ARMC2: variants seen among roughly 807,000 people sequenced by gnomAD.
ARMC2 encodes the protein armadillo repeat-containing protein 2.
In ARMC2, 67 loss-of-function variants were observed where a neutral mutation model predicts 90.3. The ratio of observed to expected loss-of-function variants is 0.74; its 90% CI spans 0.61 to 0.91. The LOEUF is 0.91. Among genes scored for constraint, ARMC2 ranks in the 40% least tolerant of loss-of-function variants. The probability of loss-of-function intolerance (pLI) is 0.00; values close to 1 mark genes in which losing one functional copy is unlikely to be tolerated. For missense variants in ARMC2, 920 were observed against 1,030.9 expected, an observed-to-expected ratio of 0.89 and a Z score of 1.47; for synonymous variants, 393 against 393.0, an observed-to-expected ratio of 1.00 and a Z score of 0.00.
chr6:109,006,231 C>A, the ARMC2 span, among the ~76,000 whole-genome samples: 1 of 152,082 alleles, frequency 6.6e-6, no homozygotes, highest in Admixed American at 6.6e-5. Flanking sequence ...TTAATCCTTA[C>A]CTTAATCTAT....
At chr6:108,866,016 T>TAAAA (rs910550188) in intron 3 of ARMC2, among the ~76,000 whole-genome samples, 1 of 118,630 alleles carries the variant, frequency 8.4e-6, no homozygotes, top group African/African-American at 3.1e-5. Flanking sequence ...GACCCTGTCT[T>TAAAA]AAAAAAAAAA....
At chr6:108,917,815 A>G (rs1774125381) in intron 10 of ARMC2, among the ~76,000 whole-genome samples, 1 of 151,980 alleles carries the variant, frequency 6.6e-6, no homozygotes, top group Admixed American at 6.6e-5. Flanking sequence ...ACCCAGCTAC[A>G]TTTTGTATTT....
At chr6:109,002,428 A>G in the ARMC2 span, 22 of 1,006,446 alleles carry the variant, frequency 2.2e-5, 1 homozygote. Context: ...AAAAACAACC[A>G]GTCGAACAGA....
chr6:108,981,055 C>T, the ARMC2 span, among the ~76,000 whole-genome samples: 16,877 of 152,076 alleles, frequency 0.11, 1,035 homozygotes, highest in Middle Eastern at 0.19. Flanking sequence ...TTCACTCCAA[C>T]AGATGAAATC....
chr6:109,006,072 T>TAGC, the ARMC2 span, among the ~76,000 whole-genome samples: 18 of 152,122 alleles, frequency 1.2e-4, no homozygotes, highest in Admixed American at 9.2e-4. Flanking sequence ...TAAATAGCAA[T>TAGC]AGCAGCAGCA....
intron 5 of ARMC2, among the ~76,000 whole-genome samples, chr6:108,889,916 C>T (rs1213864954): frequency 3.3e-5 from 5 of 150,612 alleles, no homozygotes; most frequent in African/African-American, 9.8e-5. Flanking sequence ...GGGCCGGGCG[C>T]GGTGGCTCAC....
intron 3 of ARMC2, among the ~76,000 whole-genome samples, chr6:108,866,513 A>C (rs1455694881): frequency 6.6e-6 from 1 of 152,208 alleles, no homozygotes; most frequent in Non-Finnish European, 1.5e-5. Context: ...TTGGAACCAA[A>C]CCTGATAAAT....
rs1775824783 is a variant in ARMC2 at position 108,934,743 on chromosome 6, G to A, written c.1497-2157G>A. On this transcript the variant is annotated intron_variant, in intron 11 of 17. Transcript: ENST00000392644. ...GTTTCAAAAAGTTATGTTTTTGTAG[G>A]AATTTGATAATTTTATCTAAGTTTT... 2.0e-5 allele frequency among the ~76,000 whole-genome samples: 3 copies of A among 152,140 alleles called. No individual in the cohort carries two copies. The South Asian group carries it at 6.2e-4, about 32-fold the overall frequency.
At chr6:108,916,524 G>T (rs148978280) in intron 10 of ARMC2, among the ~76,000 whole-genome samples, 1 of 152,176 alleles carries the variant, frequency 6.6e-6, no homozygotes, top group Non-Finnish European at 1.5e-5. Flanking sequence ...CTGTAAAGTC[G>T]TAAGAGTAAA....
At chr6:108,950,455 G>C (rs924975309) in intron 12 of ARMC2, among the ~76,000 whole-genome samples, 2 of 152,262 alleles carry the variant, frequency 1.3e-5, no homozygotes, top group Admixed American at 1.3e-4. Flanking sequence ...AAAAAAGAGT[G>C]AGATCATGTC....
Position 108,878,925 on chromosome 6 carries a change from C to T in ARMC2, c.671+2575C>T, listed in dbSNP as rs79278509. On this transcript the variant is annotated intron_variant, in intron 5 of 17. Transcript: ENST00000392644. Reference sequence around the variant, plus strand: ...TTCACCCATCTACCTATCCAGCCATCGACATATCTACCCATACATCCACCC... The same window carrying T: ...TTCACCCATCTACCTATCCAGCCATTGACATATCTACCCATACATCCACCC... 4.2e-3 allele frequency among the ~76,000 whole-genome samples: 634 copies of T among 152,022 alleles called. 3 individuals carry two copies. The highest frequency in any genetic ancestry group is 0.014 in the African/African-American group (594 of 41,456).
chr6:108,923,252 G>C (rs1281267530), intron 10 of ARMC2, among the ~76,000 whole-genome samples: 1 of 152,054 alleles, frequency 6.6e-6, no homozygotes, highest in African/African-American at 2.4e-5. Flanking sequence ...CAATAAAAAA[G>C]AAAAATGTGT....
the ARMC2 span, among the ~76,000 whole-genome samples, chr6:108,983,764 CT>C: frequency 6.6e-6 from 1 of 152,212 alleles, no homozygotes; most frequent in African/African-American, 2.4e-5. Flanking sequence ...ATGGAATTCT[CT>C]ACTTCCGTGA....
At chr6:109,047,013 C>A in the ARMC2 span, among the ~76,000 whole-genome samples, 3 of 46,052 alleles carry the variant, frequency 6.5e-5, no homozygotes, top group Non-Finnish European at 1.3e-4. Flanking sequence ...GCCCCCTGCC[C>A]GGCCAGCCGC....
At chr6:109,034,808 C>G in the ARMC2 span, among the ~76,000 whole-genome samples, 11,600 of 152,220 alleles carry the variant, frequency 0.076, 1,015 homozygotes, top group African/African-American at 0.21. Context: ...GAAGCCACAT[C>G]TTGATGCTGT....
Position 108,868,851 on chromosome 6 carries a change from A to C in ARMC2, c.319A>C (p.Arg107=). The change falls in exon 4 of 18, where the codon AGA becomes CGA. Residue 107 remains arginine (R), a synonymous_variant. Transcript: ENST00000392644. ...ACCGAAAGTTCCAGCATCTCCCACC[A>C]GAGAGGAGGATTCCTGCTTTTCCTT... ...LKPKVPASPT[R]EEDSCFSFPK... 2 of 1,613,564 alleles carry C rather than the reference A, an allele frequency of 1.2e-6. No homozygotes were observed. Among genetic ancestry groups the C allele is most frequent in the South Asian group, 2.2e-5 (2 of 91,034 alleles).
the ARMC2 span, chr6:108,987,520 ATCATCTT>A: frequency 1.5e-6 from 2 of 1,351,110 alleles, no homozygotes; most frequent in Non-Finnish European, 2.1e-6. Context: ...TCATTCCAGA[ATCATCTT>A]TAATGAAGGA....
At chr6:109,001,598 C>T in the ARMC2 span, 22 of 981,020 alleles carry the variant, frequency 2.2e-5, no homozygotes, top group African/African-American at 2.1e-4. Flanking sequence ...TTAAATCTGG[C>T]TTAAGAAAGA....
chr6:108,953,994 A>C (rs376776642), intron 13 of ARMC2, among the ~76,000 whole-genome samples: 6 of 152,196 alleles, frequency 3.9e-5, no homozygotes, highest in African/African-American at 1.4e-4. Flanking sequence ...CCTGGCCTGC[A>C]GACAGCCACC....
Sources: gnomAD v4.1 joint callset for allele counts (sites outside exome capture counted in the v4.1 genomes callset) on GRCh38, gnomAD v4.1.1 for gene constraint, MANE v1.5 for transcripts, NCBI Gene and HGNC (gene_info 2026-07-23, HGNC 2026-07-21) for gene names.